IGSF23: variants seen among roughly 807,000 people sequenced by gnomAD.
IGSF23 encodes immunoglobulin superfamily member 23, also known as immunoglobulin superfamily, member 23.
In IGSF23, 14 loss-of-function variants were observed where a neutral mutation model predicts 17.8. The ratio of observed to expected loss-of-function variants is 0.79; its 90% confidence interval spans 0.52 to 1.23. The LOEUF (loss-of-function observed/expected upper bound fraction) is 1.23, where lower values mean the gene tolerates loss of function less well. IGSF23 is among the 50% of genes most tolerant of loss of function. The pLI, the probability that IGSF23 is intolerant of heterozygous loss-of-function variation, is 0.00. For missense variants in IGSF23, 214 were observed against 241.7 expected (o/e 0.89, Z 0.76); for synonymous variants, 85 against 92.5 (o/e 0.92, Z 0.46).
intron 1 of IGSF23, among the ~76,000 whole-genome samples, chr19:44,615,562 G>A (rs1416845305): frequency 6.6e-6 from 1 of 151,810 alleles, no homozygotes; most frequent in Non-Finnish European, 1.5e-5. Flanking sequence ...GGCGGAGGTT[G>A]CGGTTAGCTG....
rs1972573069 is a variant in IGSF23, at chr19:44,623,795, G to A, written c.214G>A (p.Val72Met). 7 of 1,550,852 alleles carry A rather than the reference G, an allele frequency of 4.5e-6. No homozygotes were observed. The highest frequency in any genetic ancestry group is 5.2e-6 in the Non-Finnish European group (6 of 1,147,084). Residue 72 changes from valine (V) to methionine (M), a missense_variant, in exon 2 of 5, where the codon GTG becomes ATG. Coordinates refer to ENST00000402988, the MANE Select transcript of IGSF23 (RefSeq NM_001205280.2). ...CAACTATTCTGTGATCCTGCAGTGG[G>A]TGGTGACAATGGACCCTGAGCCTGT... ...ELNYSVILQW[V>M]VTMDPEPVLS...
At chr19:44,622,911 TC>T (rs1233269817) in intron 1 of IGSF23, among the ~76,000 whole-genome samples, 1 of 151,846 alleles carries the variant, frequency 6.6e-6, no homozygotes, top group African/African-American at 2.4e-5. Context: ...AAACATAACC[TC>T]CCCAAAGAGG....
chr19:44,616,534 A>G (rs1166823477), intron 1 of IGSF23, among the ~76,000 whole-genome samples: 1 of 151,826 alleles, frequency 6.6e-6, no homozygotes, highest in Non-Finnish European at 1.5e-5. Context: ...TGTCTCTACT[A>G]AAATACAAAA....
intron 3 of IGSF23, 113 bp downstream of exon 3, chr19:44,627,686 G>A: frequency 8.0e-7 from 1 of 1,244,366 alleles, no homozygotes; most frequent in East Asian, 2.6e-5. Context: ...ATCAGGGAGG[G>A]TGATAGCGAC....
chr19:44,614,559 C>T (rs1025640515), intron 1 of IGSF23, among the ~76,000 whole-genome samples: 1 of 151,976 alleles, frequency 6.6e-6, no homozygotes, highest in African/African-American at 2.4e-5. Flanking sequence ...CAGCGTCCTG[C>T]GTAGCTGGGA....
At chr19:44,629,474 A>T (rs1414470060) in intron 3 of IGSF23, among the ~76,000 whole-genome samples, 1 of 151,700 alleles carries the variant, frequency 6.6e-6, no homozygotes, top group Non-Finnish European at 1.5e-5. Context: ...AGGTGGGAGG[A>T]TTGCTTGAGC....
At chr19:44,634,204 T>G (rs963224938) in intron 3 of IGSF23, among the ~76,000 whole-genome samples, 7 of 152,210 alleles carry the variant, frequency 4.6e-5, no homozygotes, top group African/African-American at 1.7e-4. Context: ...CAGTTTGGAA[T>G]GGGGCCCAGG....
chr19:44,623,654 C>G, intron 1 of IGSF23, 53 bp from the exon 2 acceptor site: 1 of 1,516,400 alleles, frequency 6.6e-7, no homozygotes, highest in Non-Finnish European at 8.9e-7. Flanking sequence ...AAATGCCCAG[C>G]TTTTCTGAGT....
chr19:44,624,030 C>A, intron 2 of IGSF23, 58 bp downstream of exon 2: 1 of 1,440,100 alleles, frequency 6.9e-7, no homozygotes, highest in Admixed American at 2.1e-5. Flanking sequence ...CCCTCTCCAG[C>A]CTGTGGCAGC....
intron 3 of IGSF23, among the ~76,000 whole-genome samples, chr19:44,634,473 G>C (rs1161184886): frequency 3.3e-5 from 5 of 152,098 alleles, no homozygotes; most frequent in African/African-American, 1.2e-4. Flanking sequence ...GTTGATCTGG[G>C]GGGTGTATTC....
chr19:44,625,957 C>T (rs948575414), intron 2 of IGSF23, among the ~76,000 whole-genome samples: 16 of 152,162 alleles, frequency 1.1e-4, no homozygotes, highest in Admixed American at 6.5e-5. Context: ...CACCTTCTGC[C>T]ATGATTGTGA....
Position 44,636,740 on chromosome 19 carries a change from T to C in IGSF23, c.*353T>C, listed in dbSNP as rs1347093306. On this transcript the variant is annotated 3_prime_UTR_variant, in exon 5 of 5. Coordinates refer to ENST00000402988, the MANE Select transcript of IGSF23 (RefSeq NM_001205280.2). ...TTTTACACATGCTGCTTTTTTTTTC[T>C]CTTTTTCAAAAAGAACCAAAAAATA... The C allele has an allele frequency of 6.6e-6, 1 of 152,208 alleles. No homozygotes were observed. The highest frequency in any genetic ancestry group is 2.4e-5 in the African/African-American group (1 of 41,440). 9.4% of individuals were successfully genotyped at this position (152,208 alleles called of 1,614,324 possible). A position where few individuals can be genotyped will look rare whatever the true frequency, so the allele number is the denominator to read the frequency against.
intron 4 of IGSF23, among the ~76,000 whole-genome samples, 162 bp from the exon 5 acceptor site, chr19:44,636,257 G>A (rs1335681556): frequency 2.6e-5 from 4 of 152,076 alleles, no homozygotes; most frequent in African/African-American, 4.8e-5. Flanking sequence ...TGCTAAGAAG[G>A]GAAAAATCTG....
intron 3 of IGSF23, among the ~76,000 whole-genome samples, chr19:44,630,661 C>T (rs989467476): frequency 9.8e-5 from 15 of 152,350 alleles, no homozygotes; most frequent in Non-Finnish European, 1.8e-4. Flanking sequence ...GGGGCATCAG[C>T]TGGAAGGAGC....
At position 44,629,021 on chromosome 19, in the gene IGSF23, G is replaced by A. The variant is rs563867166; in HGVS notation, c.545+1448G>A. ...CCTGGCATGTTCAGGAAATAGTGAG[G>A]AGCCCAGGGTGGCCAGAGTGGTGTG... is the stretch of plus-strand genomic sequence containing the variant. On this transcript the variant is annotated intron_variant, in intron 3 of 4. Coordinates refer to ENST00000402988, the MANE Select transcript of IGSF23 (RefSeq NM_001205280.2). Among the ~76,000 whole-genome samples the A allele has an allele frequency of 6.4e-4, 98 of 152,314 alleles. 1 individual carries two copies. The highest frequency in any genetic ancestry group is 2.2e-3 in the African/African-American group (91 of 41,580).
chr19:44,619,125 G>A (rs529624228), intron 1 of IGSF23, among the ~76,000 whole-genome samples: 12 of 152,190 alleles, frequency 7.9e-5, no homozygotes, highest in East Asian at 7.7e-4. Flanking sequence ...GGTGTCTCCC[G>A]TGAGAACAGG....
intron 3 of IGSF23, among the ~76,000 whole-genome samples, chr19:44,631,418 T>C (rs946639653): frequency 2.0e-5 from 3 of 151,966 alleles, no homozygotes; most frequent in Non-Finnish European, 4.4e-5. Context: ...TAAAACCCCA[T>C]CTCTACTAAA....
In IGSF23 at chr19:44,635,397, G is replaced by T; in HGVS notation, c.546-4G>T. 6.5e-7 allele frequency: 1 copy of T among 1,541,986 alleles called. No homozygotes were observed. On this transcript the variant is annotated splice_region_variant and splice_polypyrimidine_tract_variant and intron_variant, in intron 3 of 4. Coordinates refer to ENST00000402988, the MANE Select transcript of IGSF23 (RefSeq NM_001205280.2). ...CTCTGTCTCTCTCTCTCTCTCCACT[G>T]CAGGACTGACAGGCAGAGAATAGGA...
chr19:44,617,045 C>T (rs908026834), intron 1 of IGSF23, among the ~76,000 whole-genome samples: 7 of 151,814 alleles, frequency 4.6e-5, no homozygotes, highest in South Asian at 2.1e-4. Flanking sequence ...ACTACAGGCG[C>T]GTGCCACCAT....
Sources: allele counts gnomAD v4.1 joint callset (sites outside exome capture counted in the v4.1 genomes callset), GRCh38; gene constraint gnomAD v4.1.1; transcripts MANE v1.5; gene names NCBI Gene and HGNC (gene_info 2026-07-23, HGNC 2026-07-21).